The following MUC5B variants were observed in gnomAD, a reference collection of about 807,000 sequenced individuals.
The protein encoded by MUC5B is mucin-5B.
A neutral mutation model predicts 376.9 loss-of-function variants in MUC5B; 116 were observed. The observed-to-expected ratio is 0.31, with a 90% CI of 0.26 to 0.36. MUC5B has a LOEUF of 0.36. MUC5B is among the 10% of genes least tolerant of loss of function. The pLI is 1.00. For missense variants in MUC5B, 7,165 were observed against 7,769.9 expected (o/e 0.92, Z 2.93); for synonymous variants, 3,517 against 3,390.9 (o/e 1.04, Z -1.29).
rs893007317 is a variant in MUC5B, at chr11:1,251,813, T to C, written c.14863+70T>C. On this transcript the variant is annotated intron_variant, in intron 31 of 48. Coordinates refer to ENST00000529681, the MANE Select transcript of MUC5B (RefSeq NM_002458.3). The stretch of plus-strand genomic sequence containing the variant: ...TATGCCAACCTGGGTCTGCCTGTCC[T>C]GGGAGCCAGTGGCTTTCTCCCTGCT... 2.6e-5 allele frequency: 29 copies of C among 1,107,822 alleles called. No individual in the cohort carries two copies. In the East Asian group the frequency reaches 7.0e-4, roughly 27 times the overall value. The allele number at this position is 1,107,822 out of a possible 1,614,324, so 68.6% of individuals were successfully genotyped here. A position where few individuals can be genotyped will look rare whatever the true frequency, so the allele number is the denominator to read the frequency against.
Position 1,233,056 on chromosome 11 carries a change from C to T in MUC5B, c.2109C>T (p.Tyr703=), listed in dbSNP as rs765445365. Residue 703 remains tyrosine (Y), a synonymous_variant, in exon 18 of 49, where the codon TAC becomes TAT. Coordinates refer to ENST00000529681, the MANE Select transcript of MUC5B (RefSeq NM_002458.3). ...QNCPKSQRYA[Y]VVDACQPTCR... ...GCCCCAAGTCCCAGCGCTACGCCTA[C>T]GTGGTGGATGCCTGCCAGCCCACTT... 4.6e-5 allele frequency: 74 copies of T among 1,604,742 alleles called. No homozygotes were observed. Among genetic ancestry groups the T allele is most frequent in the Non-Finnish European group, 5.8e-5 (68 of 1,178,622 alleles).
chr11:1,254,930 C>A, intron 35 of MUC5B, 50 bp downstream of exon 35: 2 of 1,567,718 alleles, frequency 1.3e-6, no homozygotes, highest in South Asian at 2.3e-5. Flanking sequence ...CTGGGCCTGA[C>A]AACCCAGTGA....
intron 23 of MUC5B, 149 bp from the exon 24 acceptor site, chr11:1,236,237 T>C (rs1378582751): frequency 3.0e-6 from 2 of 666,094 alleles, no homozygotes; most frequent in Non-Finnish European, 4.8e-6. Flanking sequence ...TCGCTGAGGG[T>C]CTCACGGACC....
intron 31 of MUC5B, 95 bp downstream of exon 31, chr11:1,251,838 T>C: frequency 3.3e-6 from 3 of 908,596 alleles, no homozygotes; most frequent in Middle Eastern, 3.3e-4. Context: ...TTCTCCCTGC[T>C]GGTCATGTTT....
In MUC5B at chr11:1,258,814, G is replaced by A; in HGVS notation, c.16594-128G>A. 4 of 1,331,522 alleles carry A rather than the reference G, an allele frequency of 3.0e-6. No individual in the cohort carries two copies. In the South Asian group the frequency reaches 5.7e-5, roughly 19 times the overall value. The allele number at this position is 1,331,522 out of a possible 1,614,324, so 82.5% of individuals were successfully genotyped here. A position where few individuals can be genotyped will look rare whatever the true frequency, so the allele number is the denominator to read the frequency against. Reference sequence around the variant, plus strand: ...CCCTGCCTGCCTGGGTCCATGCTCAGCCAGGGGTGCATCTATGCTCCATCT... The same window carrying A: ...CCCTGCCTGCCTGGGTCCATGCTCAACCAGGGGTGCATCTATGCTCCATCT... On this transcript the variant is annotated intron_variant, in intron 43 of 48. Transcript: ENST00000529681. The surrounding 1 kb of genome is among the most constrained non-coding windows in gnomAD (Gnocchi z 5.5).
chr11:1,248,323 C>A lies in MUC5B; in HGVS notation c.11443C>A (p.Pro3815Thr), dbSNP rs1250989886. The part of the protein sequence containing the change: ...TWTRLSQTTT[P>T]TATMSTATPS... ...GACCCGCCTATCACAGACCACCACA[C>A]CCACGGCCACCATGTCCACAGCCAC... Residue 3815 changes from proline to threonine, a missense_variant, in exon 31 of 49, where the codon CCC (proline) becomes ACC (threonine). Transcript: ENST00000529681. 1 of 1,611,574 alleles carries A rather than the reference C, an allele frequency of 6.2e-7. No individual in the cohort carries two copies. Among genetic ancestry groups the A allele is most frequent in the Admixed American group, 1.7e-5 (1 of 59,852 alleles).
Position 1,244,469 on chromosome 11 carries a change from C to T in MUC5B, c.7589C>T (p.Thr2530Ile), listed in dbSNP as rs768972750. Residue 2530 changes from threonine (T) to isoleucine (I), a missense_variant, in exon 31 of 49, where the codon ACC becomes ATC. By Grantham distance (89) the Thr-to-Ile change is moderately conservative. This residue lies in a region of MUC5B where 194 missense variants were observed against 268.5 expected (regional missense o/e 0.72). Transcript: ENST00000529681. ...CTTCCAGCACTGAGAAGCACAGCCA[C>T]CACACCCACAGCTACCAGCTTTACA... ...TALPALRSTA[T>I]TPTATSFTAI... 5 of 1,538,242 alleles carry T rather than the reference C, an allele frequency of 3.3e-6. No homozygotes were observed. In the South Asian group the frequency reaches 5.6e-5, roughly 17 times the overall value.
chr11:1,255,005 C>T (rs1392369080), intron 35 of MUC5B, 36 bp from the exon 36 acceptor site: 4 of 1,546,996 alleles, frequency 2.6e-6, no homozygotes, highest in Non-Finnish European at 2.6e-6. Context: ...AAAGGCTCCC[C>T]AGATTCCAGC....
rs932348769 is a variant in MUC5B, at chr11:1,242,415, G to A, written c.5535G>A (p.Gln1845=). 3.1e-6 allele frequency: 5 copies of A among 1,613,874 alleles called. No individual in the cohort carries two copies. Among genetic ancestry groups the A allele is most frequent in the Non-Finnish European group, 3.4e-6 (4 of 1,179,848 alleles). ...YPEVSIDQVG[Q]VLTCSLETGL... ...AGGTAAGCATCGACCAGGTCGGGCA[G>A]GTGCTGACCTGCAGCCTGGAGACGG... The change falls in exon 31 of 49, where the codon CAG becomes CAA. Residue 1845 remains glutamine (Q), a synonymous_variant. Transcript: ENST00000529681.
At chr11:1,252,677 C>T in intron 32 of MUC5B, 132 bp from the exon 33 acceptor site, 1 of 1,399,732 alleles carries the variant, frequency 7.1e-7, no homozygotes, top group Non-Finnish European at 9.6e-7. Context: ...AGGGGCCAGG[C>T]TAGCATGGGG....
chr11:1,239,630 GC>G, intron 27 of MUC5B, 64 bp downstream of exon 27: 1 of 1,518,470 alleles, frequency 6.6e-7, no homozygotes. Flanking sequence ...ACGTGGGGGG[GC>G]GGGGATCCCC....
Position 1,247,476 on chromosome 11 carries a change from C to T in MUC5B, c.10596C>T (p.His3532=). The change falls in exon 31 of 49, where the codon CAC becomes CAT. Residue 3532 remains histidine, a synonymous_variant. Coordinates refer to ENST00000529681, the MANE Select transcript of MUC5B (RefSeq NM_002458.3). Reference sequence around the variant, plus strand: ...CTCCAGGGACGACCACCCCGGGCCACACCAGGGGCACCTCCAGGACCACAG... The same window carrying T: ...CTCCAGGGACGACCACCCCGGGCCATACCAGGGGCACCTCCAGGACCACAG... The part of the protein sequence containing the change: ...PPSPGTTTPG[H]TRGTSRTTAT... 1 of 1,608,240 alleles carries T rather than the reference C, an allele frequency of 6.2e-7. No individual in the cohort carries two copies. Among genetic ancestry groups the T allele is most frequent in the Non-Finnish European group, 8.5e-7 (1 of 1,177,586 alleles).
At chr11:1,254,444 C>G in intron 34 of MUC5B, 93 bp downstream of exon 34, 1 of 1,512,200 alleles carries the variant, frequency 6.6e-7, no homozygotes, top group Non-Finnish European at 8.9e-7. Flanking sequence ...GGTGCCGCAG[C>G]GATGGCCCAG....
At position 1,240,129 on chromosome 11, in the gene MUC5B, G is replaced by A; in HGVS notation, c.3772+41G>A. 5 of 1,566,696 alleles carry A rather than the reference G, an allele frequency of 3.2e-6. No individual in the cohort carries two copies. The South Asian group carries it at 6.0e-5, about 19-fold the overall frequency. ...GGGGTTAGTGGGCCGGTGAAGGCTG[G>A]GGCCAGGGGCTCGGAGGCCCTGGGT... On this transcript the variant is annotated intron_variant, in intron 29 of 48. Coordinates refer to ENST00000529681, the MANE Select transcript of MUC5B (RefSeq NM_002458.3).
chr11:1,233,299 A>C (rs1483297588), intron 18 of MUC5B, 31 bp downstream of exon 18: 1 of 1,497,164 alleles, frequency 6.7e-7, no homozygotes, highest in Non-Finnish European at 8.9e-7. Context: ...CAGGCCCCCC[A>C]GGTGCTCCTC....
rs547701516 is a variant in MUC5B at position 1,261,347 on chromosome 11, G to A, written c.17070-42G>A. The stretch of plus-strand genomic sequence containing the variant: ...CACCATGGCTGGGCAGAGAAACGGC[G>A]GGGCCAAGGTGGCTGATGTGAGGGC... On this transcript the variant is annotated intron_variant, in intron 48 of 48. Coordinates refer to ENST00000529681, the MANE Select transcript of MUC5B (RefSeq NM_002458.3). The A allele has an allele frequency of 8.5e-5, 129 of 1,511,812 alleles. No individual in the cohort carries two copies. The Admixed American group carries it at 1.7e-3, about 20-fold the overall frequency. 93.6% of individuals were successfully genotyped at this position (1,511,812 alleles called of 1,614,324 possible). A position where few individuals can be genotyped will look rare whatever the true frequency, so the allele number is the denominator to read the frequency against.
intron 27 of MUC5B, 96 bp downstream of exon 27, chr11:1,239,662 C>G (rs966311781): frequency 6.7e-7 from 1 of 1,499,344 alleles, no homozygotes; most frequent in Non-Finnish European, 8.9e-7. Context: ...TGTAGGCTCC[C>G]GTAAACTGCA....
At position 1,254,310 on chromosome 11, in the gene MUC5B, G is replaced by A. The variant is rs373377243; in HGVS notation, c.15436G>A (p.Val5146Ile). The change falls in exon 34 of 49, where the codon GTC becomes ATC. Residue 5146 changes from valine to isoleucine, a missense_variant. Transcript: ENST00000529681. ...CATCCACTACAAGTCCATGGATATC[G>A]TCCTCACTGTCACCATGGTGCATGG... The part of the protein sequence containing the change: ...LSIHYKSMDI[V>I]LTVTMVHGKE... The A allele has an allele frequency of 1.7e-5, 28 of 1,607,386 alleles. No homozygotes were observed. Among genetic ancestry groups the A allele is most frequent in the African/African-American group, 2.7e-5 (2 of 74,926 alleles).
At position 1,243,740 on chromosome 11, in the gene MUC5B, C is replaced by T. The variant is rs1226933210; in HGVS notation, c.6860C>T (p.Thr2287Ile). 7.4e-6 allele frequency: 12 copies of T among 1,611,646 alleles called. No individual in the cohort carries two copies. In the African/African-American group the frequency reaches 9.4e-5, roughly 13 times the overall value. ...TATSRTTATA[T>I]PSKTRTSTLL... Reference sequence around the variant, plus strand: ...ACCTCCAGGACCACAGCCACGGCCACACCCAGCAAGACCCGCACCTCGACC... The same window carrying T: ...ACCTCCAGGACCACAGCCACGGCCATACCCAGCAAGACCCGCACCTCGACC... Residue 2287 changes from threonine (T) to isoleucine (I), a missense_variant, in exon 31 of 49, where the codon ACA becomes ATA. Around this residue, in one of 31 missense-constraint regions of MUC5B, gnomAD observed 79 missense variants for 63.0 expected, o/e 1.25. Transcript: ENST00000529681.
Sources: gnomAD v4.1 joint callset for allele counts on GRCh38, gnomAD v4.1.1 for gene constraint, gnomAD v4.1.1 regional missense constraint, Gnocchi (gnomAD v3.1) non-coding constraint, MANE v1.5 for transcripts, NCBI Gene and HGNC (gene_info 2026-07-23, HGNC 2026-07-21) for gene names.